Variants in EVC2 observed in about 807,000 individuals in gnomAD.
EVC2 encodes the protein EvC ciliary complex subunit 2.
EVC2 carries 148 observed loss-of-function variants against 149.3 expected under a neutral mutation model. The ratio of observed to expected loss-of-function variants is 0.99; its 90% confidence interval spans 0.87 to 1.14. The LOEUF (loss-of-function observed/expected upper bound fraction) is 1.14, where lower values mean the gene tolerates loss of function less well. EVC2 is among the 50% of genes most tolerant of loss of function. The pLI is 0.00. For synonymous variants in EVC2, 776 were observed against 649.9 expected (o/e 1.19, Z -2.95); for missense variants, 1,854 against 1,627.3 (o/e 1.14, Z -2.40).
chr4:5,557,870 T>A (rs1204896211), downstream of EVC2, among the ~76,000 whole-genome samples: 1 of 152,136 alleles, frequency 6.6e-6, no homozygotes, highest in Non-Finnish European at 1.5e-5. Flanking sequence ...AGGATCTGTA[T>A]GCAGAAAGCT....
intron 19 of EVC2, 30 bp from the exon 20 acceptor site, chr4:5,568,670 C>T (rs1275188946): frequency 5.7e-6 from 9 of 1,591,932 alleles, no homozygotes; most frequent in Non-Finnish European, 7.7e-6. Flanking sequence ...GAGTTCAGAC[C>T]CTCGCCGCCT....
chr4:5,580,886 G>A (rs1241970336), intron 17 of EVC2, among the ~76,000 whole-genome samples: 3 of 152,044 alleles, frequency 2.0e-5, no homozygotes, highest in African/African-American at 7.2e-5. Context: ...CTTCATGAAT[G>A]GTTTAGTGCC....
chr4:5,610,794 CTTTTT>C (rs10690279), intron 16 of EVC2, among the ~76,000 whole-genome samples: 2 of 126,500 alleles, frequency 1.6e-5, no homozygotes, highest in East Asian at 2.3e-4. Context: ...TTTTCCTTTT[CTTTTT>C]TTTTTTTTTT....
At chr4:5,585,333 G>A (rs1712179628) in intron 16 of EVC2, among the ~76,000 whole-genome samples, 1 of 152,152 alleles carries the variant, frequency 6.6e-6, no homozygotes. Flanking sequence ...TCTGTGGTTT[G>A]TGCTCTTTGC....
intron 10 of EVC2, among the ~76,000 whole-genome samples, chr4:5,634,352 C>T (rs780122917): frequency 8.5e-5 from 13 of 152,190 alleles, no homozygotes; most frequent in African/African-American, 2.4e-4. Flanking sequence ...AGGGGCATTC[C>T]GCTACGAATG....
intron 16 of EVC2, 40 bp downstream of exon 16, chr4:5,615,382 T>G: frequency 1.2e-6 from 2 of 1,613,864 alleles, no homozygotes; most frequent in Non-Finnish European, 1.7e-6. Flanking sequence ...AGCCCCGCCA[T>G]GTGCAGAGAG....
At chr4:5,543,210 G>A (rs1336395404) in exon 22 of EVC2, 2 of 1,289,684 alleles carry the variant, frequency 1.6e-6, no homozygotes, top group South Asian at 1.2e-5. Flanking sequence ...TTGGTTCCCT[G>A]ACCTGGAACA....
chr4:5,648,021 CTTT>C (rs937862990), intron 9 of EVC2, among the ~76,000 whole-genome samples: 1 of 151,284 alleles, frequency 6.6e-6, no homozygotes. Context: ...AAGCTGACGT[CTTT>C]TTTTTTAATT....
intron 17 of EVC2, among the ~76,000 whole-genome samples, chr4:5,578,703 C>T (rs572407882): frequency 1.5e-4 from 23 of 151,518 alleles, no homozygotes; most frequent in Non-Finnish European, 2.5e-4. Flanking sequence ...CACACAGAAA[C>T]GGGGAGAGAG....
chr4:5,580,171 C>T (rs1711628906), intron 17 of EVC2, among the ~76,000 whole-genome samples: 1 of 152,136 alleles, frequency 6.6e-6, no homozygotes. Context: ...GCCTAAAAGC[C>T]CATTCCCAAT....
intron 17 of EVC2, 89 bp downstream of exon 17, chr4:5,584,534 T>A: frequency 7.6e-7 from 1 of 1,323,128 alleles, no homozygotes; most frequent in Non-Finnish European, 1.1e-6. Flanking sequence ...AGGACGGGGG[T>A]TGCAGCCTGT....
At chr4:5,598,562 A>G (rs552492243) in intron 16 of EVC2, among the ~76,000 whole-genome samples, 29 of 152,228 alleles carry the variant, frequency 1.9e-4, no homozygotes, top group Admixed American at 4.6e-4. Flanking sequence ...TTATACAAAA[A>G]TCAATTCAAG....
At chr4:5,566,113 G>A (rs1388944665) in intron 20 of EVC2, among the ~76,000 whole-genome samples, 2 of 152,264 alleles carry the variant, frequency 1.3e-5, no homozygotes, top group Non-Finnish European at 2.9e-5. Flanking sequence ...AAATACAGAA[G>A]TTGGGAAAGT....
intron 9 of EVC2, among the ~76,000 whole-genome samples, chr4:5,643,719 G>A (rs909966320): frequency 2.0e-5 from 3 of 152,056 alleles, no homozygotes; most frequent in Admixed American, 6.6e-5. Context: ...CCAGGAGTTC[G>A]AGACCAGCCT....
upstream of EVC2, chr4:5,708,843 C>G (rs1052349443): frequency 1.6e-5 from 4 of 247,944 alleles, no homozygotes; most frequent in Admixed American, 1.1e-4. Flanking sequence ...GTCTGTAAGC[C>G]TCAGCTCAGA....
chr4:5,566,832 G>A (rs1228557382), intron 20 of EVC2, among the ~76,000 whole-genome samples: 3 of 152,078 alleles, frequency 2.0e-5, no homozygotes, highest in African/African-American at 7.2e-5. Flanking sequence ...TGGTAGGCAG[G>A]CAGAAGTGGC....
rs753332650 is a variant in EVC2, at chr4:5,665,589, C to G, written c.931G>C (p.Val311Leu). ...GFFIAFLLSL[V>L]LTWAALFLMV... ...AGGAAGAGGGCAGCCCAGGTCAGCA[C>G]AAGGGAGAGGAGGAAGGCAATGAAG... is the stretch of plus-strand genomic sequence containing the variant. Residue 311 changes from valine to leucine, a missense_variant, in exon 8 of 22, where the codon GTG becomes CTG. By Grantham distance (32) the Val-to-Leu change is conservative. Coordinates refer to ENST00000344408, the MANE Select transcript of EVC2 (RefSeq NM_147127.5). 2 of 1,614,166 alleles carry G rather than the reference C, an allele frequency of 1.2e-6. No homozygotes were observed. Among genetic ancestry groups the G allele is most frequent in the East Asian group, 2.2e-5 (1 of 44,878 alleles).
At chr4:5,626,924 A>C (rs1319667200) in intron 12 of EVC2, among the ~76,000 whole-genome samples, 1 of 152,050 alleles carries the variant, frequency 6.6e-6, no homozygotes, top group Non-Finnish European at 1.5e-5. Flanking sequence ...GAATTATACC[A>C]TTGGCTTTCC....
In EVC2 at chr4:5,615,562, A is replaced by G. The variant is rs1356791994; in HGVS notation, c.2707-18T>C. The G allele has an allele frequency of 6.2e-7, 1 of 1,613,910 alleles. No individual in the cohort carries two copies. The highest frequency in any genetic ancestry group is 1.3e-5 in the African/African-American group (1 of 74,884). ...GACTGTTGCTGGAGAGGGGTTGGGG[A>G]AGACGTGGGTAAGAAGGCAATCACC... On this transcript the variant is annotated intron_variant, in intron 15 of 21. Transcript: ENST00000344408.
Sources: gnomAD v4.1 joint callset for allele counts (sites outside exome capture counted in the v4.1 genomes callset) on GRCh38, gnomAD v4.1.1 for gene constraint, MANE v1.5 for transcripts, NCBI Gene and HGNC (gene_info 2026-07-23, HGNC 2026-07-21) for gene names.